SIDT1: variants seen among roughly 807,000 people sequenced by gnomAD.
SIDT1 encodes the protein SID1 transmembrane family, member 1.
Under a neutral mutation model 107.5 loss-of-function variants are expected in SIDT1, and 101 were observed. That is an observed-to-expected ratio of 0.94 (90% CI 0.80 to 1.11). The LOEUF is 1.11. Ranked by LOEUF, SIDT1 falls within the 50% of genes least tolerant of loss-of-function variation. The pLI, the probability that SIDT1 is intolerant of heterozygous loss-of-function variation, is 0.00. For synonymous variants in SIDT1, 395 were observed against 398.2 expected (o/e 0.99, Z 0.10); for missense variants, 1,076 against 1,058.2 (o/e 1.02, Z -0.23).
chr3:113,537,464 TA>T (rs1200427017), intron 1 of SIDT1, among the ~76,000 whole-genome samples: 2 of 152,384 alleles, frequency 1.3e-5, no homozygotes, highest in Middle Eastern at 3.4e-3. Context: ...AAAACTTTGA[TA>T]TGATGGCCTG....
chr3:113,623,850 C>T (rs956251241), intron 23 of SIDT1, 117 bp downstream of exon 23: 4 of 688,274 alleles, frequency 5.8e-6, no homozygotes, highest in African/African-American at 5.4e-5. Context: ...GTTTTCTCTA[C>T]CAGGGATGGT....
In SIDT1 at chr3:113,607,086, C is replaced by G. The variant is rs762737967; in HGVS notation, c.1450C>G (p.Leu484Val). The change falls in exon 15 of 25, where the codon CTC becomes GTC. Residue 484 changes from leucine (L) to valine (V), a missense_variant. Physicochemically the swap from Leu to Val is conservative, Grantham distance 32 (BLOSUM62 1). Coordinates refer to ENST00000264852, the MANE Select transcript of SIDT1 (RefSeq NM_017699.3). ...GNQDICYYNF[L>V]CAHPLGVLSA... The stretch of plus-strand genomic sequence containing the variant: ...CCAGGACATCTGTTACTACAACTTC[C>G]TCTGTGCTCACCCCTTGGGCGTCCT... 52 of 1,613,246 alleles carry G rather than the reference C, an allele frequency of 3.2e-5. No homozygotes were observed. Among genetic ancestry groups the G allele is most frequent in the Non-Finnish European group, 4.4e-5 (52 of 1,179,328 alleles).
In SIDT1 at chr3:113,601,676, C is replaced by A; in HGVS notation, c.1117+17C>A. 1.3e-6 allele frequency: 2 copies of A among 1,590,992 alleles called. No individual in the cohort carries two copies. The highest frequency in any genetic ancestry group is 3.4e-5 in the Admixed American group (2 of 59,082). On this transcript the variant is annotated intron_variant, in intron 11 of 24. Transcript: ENST00000264852. ...GGACAATAGGTATGTCCTACCAGGT[C>A]TGTTCATGAAAGTGTTTCCTAATTC...
intron 1 of SIDT1, among the ~76,000 whole-genome samples, chr3:113,559,588 C>A (rs982298236): frequency 2.6e-5 from 4 of 152,060 alleles, no homozygotes; most frequent in African/African-American, 9.7e-5. Flanking sequence ...ACTACAGGAG[C>A]ACGCCACTAC....
chr3:113,552,740 C>T (rs1280183269), intron 1 of SIDT1, among the ~76,000 whole-genome samples: 1 of 152,138 alleles, frequency 6.6e-6, no homozygotes, highest in African/African-American at 2.4e-5. Flanking sequence ...TGAAACTCTC[C>T]CTTCATTTTT....
chr3:113,537,811 C>T (rs1938351741), intron 1 of SIDT1, among the ~76,000 whole-genome samples: 2 of 152,196 alleles, frequency 1.3e-5, no homozygotes, highest in African/African-American at 4.8e-5. Flanking sequence ...GAGACATAGT[C>T]TCGCTGTGTC....
chr3:113,610,953 A>G, intron 17 of SIDT1, 55 bp from the exon 18 acceptor site: 1 of 1,575,090 alleles, frequency 6.3e-7, no homozygotes, highest in South Asian at 1.1e-5. Context: ...AGAAAATATC[A>G]TCTGTCTGTC....
intron 4 of SIDT1, among the ~76,000 whole-genome samples, chr3:113,577,874 C>A (rs958605172): frequency 6.6e-6 from 1 of 152,142 alleles, no homozygotes; most frequent in African/African-American, 2.4e-5. Context: ...AGCATTTGCC[C>A]ATTTCTGTGG....
At chr3:113,575,848 CA>C (rs1416109788) in intron 3 of SIDT1, among the ~76,000 whole-genome samples, 1 of 152,066 alleles carries the variant, frequency 6.6e-6, no homozygotes, top group African/African-American at 2.4e-5. Flanking sequence ...CAGAGAGCCC[CA>C]GGGGGTGGAG....
intron 4 of SIDT1, among the ~76,000 whole-genome samples, chr3:113,578,079 TTAATA>T (rs1400167663): frequency 1.3e-5 from 2 of 152,254 alleles, no homozygotes; most frequent in African/African-American, 4.8e-5. Context: ...CCAAAGGCCC[TTAATA>T]TACTGCCCTC....
At chr3:113,550,538 T>A (rs1300513830) in intron 1 of SIDT1, among the ~76,000 whole-genome samples, 2 of 152,200 alleles carry the variant, frequency 1.3e-5, no homozygotes, top group African/African-American at 4.8e-5. Flanking sequence ...ATTTCCTTTA[T>A]CCAAGTCAAT....
chr3:113,583,532 A>G, intron 7 of SIDT1, 36 bp downstream of exon 7: 1 of 1,482,454 alleles, frequency 6.7e-7, no homozygotes, highest in Non-Finnish European at 9.3e-7. Context: ...CTGCTTAGCA[A>G]AACCTGAAGG....
At position 113,549,062 on chromosome 3, in the gene SIDT1, C is replaced by A. The variant is rs534656740; in HGVS notation, c.222+15819C>A. On this transcript the variant is annotated intron_variant, in intron 1 of 24. Transcript: ENST00000264852. ...AAAATGTAAAACATTAAGGTTCCTCCGTGTCTTTTTATGGCTTGATGCCTC... is the reference window on the plus strand; with the variant it reads ...AAAATGTAAAACATTAAGGTTCCTCAGTGTCTTTTTATGGCTTGATGCCTC... 6.6e-5 allele frequency among the ~76,000 whole-genome samples: 10 copies of A among 152,084 alleles called. No homozygotes were observed. In the East Asian group the frequency reaches 9.6e-4, roughly 15 times the overall value.
rs374543366 is a variant in SIDT1, at chr3:113,618,194, GC to G, written c.2044-1484del. Among the ~76,000 whole-genome samples the G allele has an allele frequency of 4.5e-3, 692 of 152,148 alleles. 4 individuals are homozygous for G. The highest frequency in any genetic ancestry group is 0.016 in the African/African-American group (662 of 41,504). ...ATACAGTATATAGCCATTTCATACT[GC>G]CTTCTTCCACTTAGTAATAAGCATT... On this transcript the variant is annotated intron_variant, in intron 20 of 24. Coordinates refer to ENST00000264852, the MANE Select transcript of SIDT1 (RefSeq NM_017699.3).
intron 14 of SIDT1, 148 bp downstream of exon 14, chr3:113,605,124 CT>C (rs5851901): frequency 0.055 from 18,937 of 344,406 alleles, 65 homozygotes; most frequent in Middle Eastern, 0.091. Context: ...ATTGCTTCCT[CT>C]TTTTTTTTTT....
chr3:113,602,643 C>T, intron 11 of SIDT1: 1 of 164,684 alleles, frequency 6.1e-6, no homozygotes, highest in Non-Finnish European at 1.3e-5. Flanking sequence ...GCAATAGATG[C>T]TATACATAGC....
chr3:113,589,592 G>A (rs1344604577), intron 9 of SIDT1, among the ~76,000 whole-genome samples: 3 of 143,000 alleles, frequency 2.1e-5, no homozygotes, highest in South Asian at 2.2e-4. Flanking sequence ...GGAGTGCAGT[G>A]GCACGATCTC....
chr3:113,624,159 A>T (rs1302431576), intron 23 of SIDT1, among the ~76,000 whole-genome samples: 1 of 152,250 alleles, frequency 6.6e-6, no homozygotes, highest in Non-Finnish European at 1.5e-5. Context: ...ACAGAACAGG[A>T]AGAAGTCTTA....
At position 113,616,752 on chromosome 3, in the gene SIDT1, G is replaced by A. The variant is rs370903250; in HGVS notation, c.2043+576G>A. Among the ~76,000 whole-genome samples the A allele has an allele frequency of 6.7e-4, 102 of 151,446 alleles. 2 individuals carry two copies. The highest frequency in any genetic ancestry group is 2.1e-3 in the African/African-American group (85 of 41,246). On this transcript the variant is annotated intron_variant, in intron 20 of 24. Coordinates refer to ENST00000264852, the MANE Select transcript of SIDT1 (RefSeq NM_017699.3). ...GGCCCAGGCTGGAGTGCAGTGGCGC[G>A]ATCTTGGCTCACCGCAACCTCCACC...
Sources: allele counts gnomAD v4.1 joint callset (sites outside exome capture counted in the v4.1 genomes callset), GRCh38; gene constraint gnomAD v4.1.1; transcripts MANE v1.5; gene names NCBI Gene and HGNC (gene_info 2026-07-23, HGNC 2026-07-21).